Variants in SLIT2 observed in about 807,000 individuals in gnomAD.
SLIT2 encodes slit guidance ligand 2.
A neutral mutation model predicts 185.7 loss-of-function variants in SLIT2; 41 were observed. The observed-to-expected ratio is 0.22, with a 90% CI of 0.17 to 0.29. SLIT2 has a LOEUF of 0.29. SLIT2 is among the 10% of genes least tolerant of loss of function. The probability of loss-of-function intolerance (pLI) is 1.00; values close to 1 mark genes in which losing one functional copy is unlikely to be tolerated. For missense variants in SLIT2, 1,571 were observed against 1,909.0 expected, an observed-to-expected ratio of 0.82 and a Z score of 3.30; for synonymous variants, 693 against 680.2, an observed-to-expected ratio of 1.02 and a Z score of -0.29.
At chr4:20,275,600 T>C (rs1714093380) in intron 4 of SLIT2, among the ~76,000 whole-genome samples, 1 of 152,180 alleles carries the variant, frequency 6.6e-6, no homozygotes. Flanking sequence ...CACGTAAATA[T>C]GTGTAGTCAC....
At chr4:20,505,109 AT>A (rs1370019856) in intron 9 of SLIT2, among the ~76,000 whole-genome samples, 1 of 152,178 alleles carries the variant, frequency 6.6e-6, no homozygotes, top group East Asian at 1.9e-4. Context: ...GCATATACAT[AT>A]TTTTATTACT....
intron 21 of SLIT2, among the ~76,000 whole-genome samples, chr4:20,544,221 A>G (rs1443637719): frequency 6.6e-6 from 1 of 152,158 alleles, no homozygotes; most frequent in East Asian, 1.9e-4. Flanking sequence ...AAAATAAAAA[A>G]AGAATATTCT....
Position 20,253,650 on chromosome 4 carries a change from G to C in SLIT2, c.-166G>C. ...AGAGGGCGGTGGGAGGCGTGTGCCT[G>C]AGTGGGCTCTACTGCCTTGTTCCAT... is the stretch of plus-strand genomic sequence containing the variant. On this transcript the variant is annotated 5_prime_UTR_variant, in exon 1 of 37. Coordinates refer to ENST00000504154, the MANE Select transcript of SLIT2 (RefSeq NM_004787.4). 1 of 711,324 alleles carries C rather than the reference G, an allele frequency of 1.4e-6. No individual in the cohort carries two copies. Among genetic ancestry groups the C allele is most frequent in the South Asian group, 2.0e-5 (1 of 49,322 alleles). 44.1% of individuals were successfully genotyped at this position (711,324 alleles called of 1,614,324 possible).
At chr4:20,289,048 G>GT (rs5856555) in intron 4 of SLIT2, among the ~76,000 whole-genome samples, 14,101 of 152,210 alleles carry the variant, frequency 0.093, 795 homozygotes, top group African/African-American at 0.16. Flanking sequence ...GCATGGTTGT[G>GT]TAAGTGAATC....
intron 4 of SLIT2, among the ~76,000 whole-genome samples, chr4:20,457,917 A>G (rs1713258111): frequency 6.6e-6 from 1 of 152,156 alleles, no homozygotes; most frequent in Non-Finnish European, 1.5e-5. Flanking sequence ...GAACCATGAC[A>G]CAACAGTGCT....
intron 4 of SLIT2, among the ~76,000 whole-genome samples, chr4:20,273,397 A>C (rs1383533973): frequency 6.6e-6 from 1 of 151,980 alleles, no homozygotes; most frequent in Non-Finnish European, 1.5e-5. Flanking sequence ...TATTATGAAA[A>C]CTTTTTTTTA....
At chr4:20,575,732 G>A (rs1433753576) in intron 29 of SLIT2, among the ~76,000 whole-genome samples, 1 of 152,020 alleles carries the variant, frequency 6.6e-6, no homozygotes, top group Admixed American at 6.6e-5. Flanking sequence ...GTGCACAATT[G>A]TCCTTATGTA....
At chr4:20,560,366 TGG>T (rs1560195597) in intron 26 of SLIT2, among the ~76,000 whole-genome samples, 1 of 151,968 alleles carries the variant, frequency 6.6e-6, no homozygotes. Context: ...GTTTTCTTTA[TGG>T]TAAACTCTCA....
intron 4 of SLIT2, among the ~76,000 whole-genome samples, chr4:20,354,145 T>C (rs950609525): frequency 6.6e-6 from 1 of 152,138 alleles, no homozygotes; most frequent in Non-Finnish European, 1.5e-5. Context: ...CAGGCAGGCA[T>C]CAATTTGTCA....
intron 4 of SLIT2, among the ~76,000 whole-genome samples, chr4:20,304,145 T>C (rs563094366): frequency 6.6e-6 from 1 of 152,292 alleles, no homozygotes; most frequent in African/African-American, 2.4e-5. Flanking sequence ...GTATCTCTTG[T>C]GTCACAAAAA....
Position 20,620,425 on chromosome 4 carries a change from T to C in SLIT2, c.*1416T>C, listed in dbSNP as rs759460461. The C allele has an allele frequency of 4.0e-5, 18 of 455,616 alleles. No homozygotes were observed. The Middle Eastern group carries it at 2.9e-3, about 74-fold the overall frequency. The allele number at this position is 455,616 out of a possible 1,614,324, so 28.2% of individuals were successfully genotyped here. A position where few individuals can be genotyped will look rare whatever the true frequency, so the allele number is the denominator to read the frequency against. On this transcript the variant is annotated 3_prime_UTR_variant, in exon 37 of 37. Coordinates refer to ENST00000504154, the MANE Select transcript of SLIT2 (RefSeq NM_004787.4). ...CCAGGGTGCCCTGTAAAGATGCAGA[T>C]GTTTCTTCCTGAAAACTTCTTTTTT... is the stretch of plus-strand genomic sequence containing the variant.
rs144507635 is a variant in SLIT2, at chr4:20,618,442, A to T, written c.4349-326A>T. On this transcript the variant is annotated intron_variant, in intron 36 of 36. Transcript: ENST00000504154. ...TCTGAAACTGCTCCCTGTGGTAAAC[A>T]AAACCAGCTGTTAGTAGTGTAAAAA... Among the ~76,000 whole-genome samples the T allele has an allele frequency of 7.9e-3, 1,197 of 152,338 alleles. 48 individuals carry two copies. The highest frequency in any genetic ancestry group is 0.074 in the Admixed American group (1,135 of 15,308).
At chr4:20,546,417 C>T (rs1723257083) in intron 22 of SLIT2, among the ~76,000 whole-genome samples, 2 of 151,974 alleles carry the variant, frequency 1.3e-5, no homozygotes, top group Non-Finnish European at 1.5e-5. Flanking sequence ...TTATGACAAA[C>T]TAAGGAAGGA....
intron 4 of SLIT2, among the ~76,000 whole-genome samples, chr4:20,333,239 A>C (rs957570545): frequency 2.0e-5 from 3 of 152,042 alleles, no homozygotes; most frequent in Non-Finnish European, 4.4e-5. Context: ...TGACTGAGAC[A>C]CCTTTTATGT....
At chr4:20,398,720 T>G (rs1365901382) in intron 4 of SLIT2, among the ~76,000 whole-genome samples, 1 of 151,834 alleles carries the variant, frequency 6.6e-6, no homozygotes, top group East Asian at 1.9e-4. Context: ...TTAATTTTTC[T>G]GTTTGAATGT....
intron 20 of SLIT2, 147 bp from the exon 21 acceptor site, chr4:20,542,347 A>G (rs1722869789): frequency 2.6e-6 from 2 of 782,012 alleles, no homozygotes; most frequent in African/African-American, 1.7e-5. Context: ...TTACGGTATC[A>G]ATTAGTAAAT....
intron 34 of SLIT2, among the ~76,000 whole-genome samples, chr4:20,611,408 T>G (rs536180748): frequency 6.6e-6 from 1 of 152,200 alleles, no homozygotes; most frequent in Non-Finnish European, 1.5e-5. Context: ...TACTAGGAAC[T>G]AAGTAAATGG....
At chr4:20,337,813 T>C (rs1440578670) in intron 4 of SLIT2, among the ~76,000 whole-genome samples, 1 of 152,092 alleles carries the variant, frequency 6.6e-6, no homozygotes, top group Non-Finnish European at 1.5e-5. Context: ...GGATAAAACT[T>C]TGAGATTTTT....
intron 4 of SLIT2, among the ~76,000 whole-genome samples, chr4:20,333,273 G>A (rs772915252): frequency 9.9e-5 from 15 of 152,114 alleles, no homozygotes; most frequent in Non-Finnish European, 2.2e-4. Context: ...CTGAGAACTT[G>A]GATCTGTGCT....
Sources: gnomAD v4.1 joint callset for allele counts (sites outside exome capture counted in the v4.1 genomes callset) on GRCh38, gnomAD v4.1.1 for gene constraint, MANE v1.5 for transcripts, NCBI Gene and HGNC (gene_info 2026-07-23, HGNC 2026-07-21) for gene names.